Variants in SLC25A48 observed in about 807,000 individuals in gnomAD.
SLC25A48 encodes the protein CTC-321K16.1.
A neutral mutation model predicts 32.2 loss-of-function variants in SLC25A48; 29 were observed. The observed-to-expected ratio is 0.90, with a 90% CI of 0.67 to 1.23. SLC25A48 has a LOEUF of 1.23. Ranked by LOEUF, SLC25A48 falls within the 50% of genes most tolerant of loss-of-function variation. The pLI is 0.00. For missense variants in SLC25A48, 399 were observed against 422.7 expected, an observed-to-expected ratio of 0.94 and a Z score of 0.49; for synonymous variants, 164 against 172.3, an observed-to-expected ratio of 0.95 and a Z score of 0.38.
chr5:135,870,432 G>T (rs374929162), intron 4 of SLC25A48, among the ~76,000 whole-genome samples: 2 of 152,168 alleles, frequency 1.3e-5, no homozygotes, highest in East Asian at 3.8e-4. Flanking sequence ...TGGGAGATGG[G>T]TAGCAAATGA....
At chr5:135,720,901 C>T (rs1338716880) in intron 3 of SLC25A48, among the ~76,000 whole-genome samples, 1 of 152,156 alleles carries the variant, frequency 6.6e-6, no homozygotes, top group African/African-American at 2.4e-5. Context: ...TCTGGCCCTC[C>T]CTCTGACACT....
At chr5:135,594,056 G>A (rs563652029) in intron 1 of SLC25A48, among the ~76,000 whole-genome samples, 2 of 152,192 alleles carry the variant, frequency 1.3e-5, no homozygotes, top group African/African-American at 2.4e-5. Flanking sequence ...ACAGTCCCCC[G>A]AGGGATAGCC....
In SLC25A48 at chr5:135,834,689, G is replaced by A; in HGVS notation, c.-159G>A. On this transcript the variant is annotated 5_prime_UTR_variant, in exon 1 of 8. Transcript: ENST00000681962. The stretch of plus-strand genomic sequence containing the variant: ...CTTGGAGAGGTGAGCGCGGCAGCCC[G>A]CGCAGCCGGTGACTGGGGGACTGGG... The A allele has an allele frequency of 1.3e-6, 1 of 779,456 alleles. No homozygotes were observed. The highest frequency in any genetic ancestry group is 2.0e-6 in the Non-Finnish European group (1 of 499,430). 48.3% of individuals were successfully genotyped at this position (779,456 alleles called of 1,614,324 possible). A position where few individuals can be genotyped will look rare whatever the true frequency, so the allele number is the denominator to read the frequency against.
chr5:135,796,984 C>G (rs1016435486), intron 3 of SLC25A48, among the ~76,000 whole-genome samples: 1 of 149,692 alleles, frequency 6.7e-6, no homozygotes, highest in South Asian at 2.1e-4. Context: ...GTGGTTTTCA[C>G]CCCCCCATGA....
intron 4 of SLC25A48, among the ~76,000 whole-genome samples, chr5:135,854,028 T>C (rs1254480835): frequency 2.6e-5 from 4 of 152,250 alleles, no homozygotes; most frequent in Non-Finnish European, 4.4e-5. Flanking sequence ...AGGTGCATTG[T>C]CAATGAGCAG....
chr5:135,611,523 AAAAAG>A (rs1752067750), intron 1 of SLC25A48, among the ~76,000 whole-genome samples: 1 of 139,468 alleles, frequency 7.2e-6, no homozygotes, highest in African/African-American at 2.8e-5. Flanking sequence ...AAAAAAAAAA[AAAAAG>A]AAAAAGAAAA....
At chr5:135,637,246 C>A (rs970960740) in intron 3 of SLC25A48, among the ~76,000 whole-genome samples, 8 of 152,208 alleles carry the variant, frequency 5.3e-5, no homozygotes, top group Non-Finnish European at 1.0e-4. Flanking sequence ...TACCTTCCTG[C>A]TGGAGTTGAA....
At chr5:135,725,143 A>C (rs1421568128) in intron 3 of SLC25A48, among the ~76,000 whole-genome samples, 3 of 152,256 alleles carry the variant, frequency 2.0e-5, no homozygotes, top group Non-Finnish European at 4.4e-5. Flanking sequence ...AGCTTTTGCT[A>C]CTGATTCTTT....
At chr5:135,667,528 C>T (rs978359147) in intron 3 of SLC25A48, among the ~76,000 whole-genome samples, 5 of 152,150 alleles carry the variant, frequency 3.3e-5, no homozygotes, top group African/African-American at 9.7e-5. Context: ...CTTGTGTAAC[C>T]ACCCTTAGCT....
At chr5:135,688,079 G>A (rs543532661) in intron 3 of SLC25A48, among the ~76,000 whole-genome samples, 1 of 26,292 alleles carries the variant, frequency 3.8e-5, no homozygotes, top group South Asian at 9.8e-4. Flanking sequence ...GTTTCTGTCT[G>A]TGTGATTTTC....
chr5:135,646,305 C>T (rs1428432228), intron 3 of SLC25A48, among the ~76,000 whole-genome samples: 1 of 152,060 alleles, frequency 6.6e-6, no homozygotes, highest in Non-Finnish European at 1.5e-5. Context: ...GCATGTGTTT[C>T]AGGAGCCTTA....
intron 3 of SLC25A48, among the ~76,000 whole-genome samples, chr5:135,712,572 A>G (rs1346664364): frequency 6.6e-6 from 1 of 152,202 alleles, no homozygotes; most frequent in East Asian, 1.9e-4. Context: ...TTAGGCTCCA[A>G]GAGTTGATAC....
chr5:135,647,264 A>G (rs1028499321), intron 3 of SLC25A48, among the ~76,000 whole-genome samples: 5 of 152,174 alleles, frequency 3.3e-5, no homozygotes, highest in African/African-American at 1.2e-4. Context: ...TTTGGATTTT[A>G]CTAGGTTTTT....
In SLC25A48 at chr5:135,780,430, G is replaced by A. The variant is rs1447164726; in HGVS notation, c.-520-32093G>A. ...CAGGCAGGGAGAGGTTGTTATTACT[G>A]TCAGTATCGTAGGGGGTGTACACCC... is the stretch of plus-strand genomic sequence containing the variant. On this transcript the variant is annotated intron_variant, in intron 3 of 10. Coordinates refer to the SLC25A48 transcript ENST00000646290. Among the ~76,000 whole-genome samples the A allele has an allele frequency of 1.7e-5, 2 of 116,248 alleles. 1 individual carries two copies. Among genetic ancestry groups the A allele is most frequent in the African/African-American group, 5.2e-5 (2 of 38,348 alleles). 76.3% of individuals were successfully genotyped at this position (116,248 alleles called of 152,430 possible).
chr5:135,659,816 G>A (rs2126933543), intron 3 of SLC25A48, among the ~76,000 whole-genome samples: 1 of 152,282 alleles, frequency 6.6e-6, no homozygotes, highest in East Asian at 1.9e-4. Flanking sequence ...AAGTAAAGGG[G>A]GAAGTGCTAC....
At chr5:135,841,775 G>T (rs753864221) in intron 1 of SLC25A48, among the ~76,000 whole-genome samples, 3 of 152,138 alleles carry the variant, frequency 2.0e-5, no homozygotes, top group African/African-American at 4.8e-5. Context: ...GGCCACTGCA[G>T]CCTTCAGTTC....
At chr5:135,823,585 T>C (rs925507375) in intron 4 of SLC25A48, among the ~76,000 whole-genome samples, 1 of 152,190 alleles carries the variant, frequency 6.6e-6, no homozygotes, top group African/African-American at 2.4e-5. Flanking sequence ...GACACAGAAG[T>C]GATCTAGACA....
At chr5:135,822,399 A>G (rs974590500) in intron 4 of SLC25A48, among the ~76,000 whole-genome samples, 1 of 152,232 alleles carries the variant, frequency 6.6e-6, no homozygotes, top group East Asian at 1.9e-4. Flanking sequence ...TTCAAACTCA[A>G]GGTGTCGGCA....
intron 3 of SLC25A48, among the ~76,000 whole-genome samples, chr5:135,661,393 A>G (rs946630289): frequency 2.6e-5 from 4 of 152,236 alleles, no homozygotes; most frequent in African/African-American, 9.7e-5. Context: ...CCCAGGGAGC[A>G]GTTCTACAAT....
Sources: gnomAD v4.1 joint callset for allele counts (sites outside exome capture counted in the v4.1 genomes callset) on GRCh38, gnomAD v4.1.1 for gene constraint, MANE v1.5 for transcripts, NCBI Gene and HGNC (gene_info 2026-07-23, HGNC 2026-07-21) for gene names.